EFNB2: variants seen among roughly 807,000 people sequenced by gnomAD.
EFNB2 encodes ephrin B2, also known as ephrin-B2.
In EFNB2, 5 loss-of-function variants were observed where a neutral mutation model predicts 32.1. The ratio of observed to expected loss-of-function variants is 0.16; its 90% CI spans 0.08 to 0.33. The LOEUF (loss-of-function observed/expected upper bound fraction) is 0.33, where lower values mean the gene tolerates loss of function less well. Ranked by LOEUF, EFNB2 falls within the 10% of genes least tolerant of loss-of-function variation. The pLI, the probability that EFNB2 is intolerant of heterozygous loss-of-function variation, is 1.00. For missense variants in EFNB2, 263 were observed against 422.6 expected (o/e 0.62, Z 3.31); for synonymous variants, 168 against 166.5 (o/e 1.01, Z -0.07).
At chr13:106,504,580 C>T (rs1178984347) in intron 2 of EFNB2, among the ~76,000 whole-genome samples, 2 of 152,292 alleles carry the variant, frequency 1.3e-5, no homozygotes, top group Non-Finnish European at 2.9e-5. Flanking sequence ...AGCAATTTCC[C>T]GCGTTTGTGC....
chr13:106,510,837 C>T (rs1198742209), intron 2 of EFNB2, among the ~76,000 whole-genome samples: 1 of 152,216 alleles, frequency 6.6e-6, no homozygotes, highest in East Asian at 1.9e-4. Flanking sequence ...CATGGTGAAA[C>T]CCCGTCTTGA....
At chr13:106,532,079 C>CAAAAAAAAAA (rs1404488142) in intron 1 of EFNB2, among the ~76,000 whole-genome samples, 3 of 41,850 alleles carry the variant, frequency 7.2e-5, no homozygotes, top group African/African-American at 1.9e-4. Flanking sequence ...AAAAAAAAAC[C>CAAAAAAAAAA]AAAACTTTAA....
chr13:106,501,334 ATTT>A (rs61108454), intron 2 of EFNB2, among the ~76,000 whole-genome samples: 28 of 151,858 alleles, frequency 1.8e-4, no homozygotes, highest in African/African-American at 6.8e-4. Context: ...AATTTCATTC[ATTT>A]TTTTTTCTAA....
intron 1 of EFNB2, among the ~76,000 whole-genome samples, chr13:106,513,983 A>G (rs1230615742): frequency 2.6e-5 from 4 of 152,202 alleles, no homozygotes; most frequent in Admixed American, 6.5e-5. Context: ...ATGCTAATGA[A>G]TGGTATTAAT....
intron 2 of EFNB2, among the ~76,000 whole-genome samples, chr13:106,510,935 GTTGCAGTGAGCCGAGA>G (rs1879122356): frequency 6.6e-6 from 1 of 152,082 alleles, no homozygotes; most frequent in Non-Finnish European, 1.5e-5. Flanking sequence ...GGAGGTGGAG[GTTGCAGTGAGCCGAGA>G]TCACGCCACT....
At chr13:106,532,854 C>A (rs1356710510) in intron 1 of EFNB2, among the ~76,000 whole-genome samples, 1 of 151,450 alleles carries the variant, frequency 6.6e-6, no homozygotes, top group Non-Finnish European at 1.5e-5. Flanking sequence ...CCTGTCACCT[C>A]CCCCCAGGAC....
At chr13:106,521,067 G>A (rs1001379688) in intron 1 of EFNB2, 1 of 152,130 alleles carries the variant, frequency 6.6e-6, no homozygotes, top group Non-Finnish European at 1.5e-5. Flanking sequence ...TGGAACAATT[G>A]CGTGTTTTCA....
rs751774187 is a variant in EFNB2 at position 106,491,399 on chromosome 13, G to A, written c.*1641C>T. ...AGCTGTCCAATTTGTTTTTTTAAGC[G>A]CTGAGCATTGGGACCACTTAATTGC... On this transcript the variant is annotated 3_prime_UTR_variant, in exon 5 of 5. Transcript: ENST00000646441. 1.3e-5 allele frequency: 2 copies of A among 152,410 alleles called. No homozygotes were observed. Among genetic ancestry groups the A allele is most frequent in the Admixed American group, 6.5e-5 (1 of 15,272 alleles). 9.4% of individuals were successfully genotyped at this position (152,410 alleles called of 1,614,324 possible). A position where few individuals can be genotyped will look rare whatever the true frequency, so the allele number is the denominator to read the frequency against.
At chr13:106,524,627 A>C (rs780746517) in intron 1 of EFNB2, among the ~76,000 whole-genome samples, 14 of 152,228 alleles carry the variant, frequency 9.2e-5, no homozygotes, top group Non-Finnish European at 1.8e-4. Flanking sequence ...ATATCATGTA[A>C]TATCAATGTA....
At chr13:106,531,154 A>G (rs1408433454) in intron 1 of EFNB2, among the ~76,000 whole-genome samples, 1 of 152,242 alleles carries the variant, frequency 6.6e-6, no homozygotes. Flanking sequence ...TTAGCAAATC[A>G]TCTTAACCTC....
chr13:106,496,526 G>C (rs1878596687), intron 2 of EFNB2, among the ~76,000 whole-genome samples: 1 of 152,186 alleles, frequency 6.6e-6, no homozygotes, highest in East Asian at 1.9e-4. Context: ...AACTCTGGCT[G>C]AATAGAGGGT....
In EFNB2 at chr13:106,490,119, C is replaced by T. The variant is rs1478487823; in HGVS notation, c.*2921G>A. The T allele has an allele frequency of 6.6e-6, 1 of 152,548 alleles. No individual in the cohort carries two copies. Among genetic ancestry groups the T allele is most frequent in the Non-Finnish European group, 1.5e-5 (1 of 68,026 alleles). 9.4% of individuals were successfully genotyped at this position (152,548 alleles called of 1,614,324 possible). On this transcript the variant is annotated 3_prime_UTR_variant, in exon 5 of 5. Transcript: ENST00000646441. Reference sequence around the variant, plus strand: ...TACATTGCAAAATTCAGATTTTATACAAAACATCTTGCTTAGACTTTATAA... The same window carrying T: ...TACATTGCAAAATTCAGATTTTATATAAAACATCTTGCTTAGACTTTATAA...
chr13:106,495,036 A>C lies in EFNB2; in HGVS notation c.500-42T>G, dbSNP rs1878542617. On this transcript the variant is annotated intron_variant, in intron 3 of 4. Coordinates refer to ENST00000646441, the MANE Select transcript of EFNB2 (RefSeq NM_004093.4). Reference sequence around the variant, plus strand: ...TGATTAATTACGGCACAGACATCTGACAATATCTAGCTTTAGGAGCTGCAT... The same window carrying C: ...TGATTAATTACGGCACAGACATCTGCCAATATCTAGCTTTAGGAGCTGCAT... The C allele has an allele frequency of 4.7e-6, 7 of 1,500,046 alleles. No homozygotes were observed. In the African/African-American group the frequency reaches 9.6e-5, roughly 21 times the overall value. The allele number at this position is 1,500,046 out of a possible 1,614,324, so 92.9% of individuals were successfully genotyped here. A position where few individuals can be genotyped will look rare whatever the true frequency, so the allele number is the denominator to read the frequency against.
At chr13:106,499,277 A>AC (rs1273640003) in intron 2 of EFNB2, among the ~76,000 whole-genome samples, 1 of 152,024 alleles carries the variant, frequency 6.6e-6, no homozygotes, top group Non-Finnish European at 1.5e-5. Flanking sequence ...CAGCTAAAAA[A>AC]AAAAAGTCTC....
intron 1 of EFNB2, among the ~76,000 whole-genome samples, chr13:106,527,270 A>C (rs1174786077): frequency 6.6e-6 from 1 of 151,766 alleles, no homozygotes; most frequent in Non-Finnish European, 1.5e-5. Context: ...ATAAATAATT[A>C]TAATAATACA....
intron 1 of EFNB2, among the ~76,000 whole-genome samples, chr13:106,533,264 C>A (rs945623474): frequency 2.0e-5 from 3 of 150,222 alleles, no homozygotes; most frequent in Non-Finnish European, 4.5e-5. Context: ...TCCCCGCGAC[C>A]GCCTCGCCCG....
At chr13:106,499,556 T>A (rs1223023905) in intron 2 of EFNB2, among the ~76,000 whole-genome samples, 1 of 152,240 alleles carries the variant, frequency 6.6e-6, no homozygotes, top group East Asian at 1.9e-4. Flanking sequence ...TTCATTATAC[T>A]TAGTTTTTCT....
intron 2 of EFNB2, among the ~76,000 whole-genome samples, chr13:106,507,190 G>T (rs972418607): frequency 5.9e-5 from 9 of 152,048 alleles, no homozygotes; most frequent in African/African-American, 2.2e-4. Context: ...CACCAAATGG[G>T]ATTACATTTA....
chr13:106,498,242 ACAGT>A (rs1878656400), intron 2 of EFNB2, among the ~76,000 whole-genome samples: 1 of 152,172 alleles, frequency 6.6e-6, no homozygotes, highest in Non-Finnish European at 1.5e-5. Context: ...GGGGGAAAAG[ACAGT>A]CAAAGATTCA....
Sources: gnomAD v4.1 joint callset for allele counts (sites outside exome capture counted in the v4.1 genomes callset) on GRCh38, gnomAD v4.1.1 for gene constraint, MANE v1.5 for transcripts, NCBI Gene and HGNC (gene_info 2026-07-23, HGNC 2026-07-21) for gene names.